The following GTF3C2 variants were observed in gnomAD, a reference collection of about 807,000 sequenced individuals.
The protein encoded by GTF3C2 is general transcription factor IIIC subunit 2, also known as general transcription factor 3C polypeptide 2.
GTF3C2 carries 17 observed loss-of-function variants against 117.4 expected under a neutral mutation model. That is an observed-to-expected ratio of 0.14 (90% CI 0.10 to 0.22). The LOEUF (loss-of-function observed/expected upper bound fraction) is 0.22. Among genes scored for constraint, GTF3C2 ranks in the 10% least tolerant of loss-of-function variants. The pLI is 1.00. For synonymous variants in GTF3C2, 437 were observed against 427.0 expected (o/e 1.02, Z -0.29); for missense variants, 888 against 1,143.6 (o/e 0.78, Z 3.22).
At position 27,342,701 on chromosome 2, in the gene GTF3C2, TC is replaced by T. The variant is rs895279383; in HGVS notation, c.569+124del. The T allele has an allele frequency of 4.0e-5, 28 of 702,858 alleles. No homozygotes were observed. The Admixed American group carries it at 6.9e-4, about 17-fold the overall frequency. 43.5% of individuals were successfully genotyped at this position (702,858 alleles called of 1,614,324 possible). ...GTAAGAGCCTAAAGGACTGCTCAAG[TC>T]CCTAGAATCCAGACACCACCCCTGC... On this transcript the variant is annotated intron_variant, in intron 3 of 18. Transcript: ENST00000264720.
intron 1 of GTF3C2, among the ~76,000 whole-genome samples, chr2:27,348,813 A>T (rs1681010877): frequency 6.6e-6 from 1 of 152,022 alleles, no homozygotes; most frequent in Non-Finnish European, 1.5e-5. Flanking sequence ...AATAATAAAG[A>T]TTTGGTTTGA....
At chr2:27,342,055 G>A (rs1303974989) in exon 4 of GTF3C2, 6 of 1,613,932 alleles carry the variant, frequency 3.7e-6, no homozygotes, top group Non-Finnish European at 5.1e-6. Flanking sequence ...TCAACCTGGA[G>A]AAAAAAGTCT....
chr2:27,330,680 G>A (rs1037565951), intron 12 of GTF3C2, among the ~76,000 whole-genome samples: 3 of 152,026 alleles, frequency 2.0e-5, no homozygotes, highest in African/African-American at 7.2e-5. Flanking sequence ...ATAAAAAAAG[G>A]CCAGGCACGA....
At chr2:27,341,832 A>T in intron 4 of GTF3C2, 116 bp downstream of exon 4, 1 of 857,168 alleles carries the variant, frequency 1.2e-6, no homozygotes, top group Admixed American at 2.8e-5. Flanking sequence ...TTTTTTCTTT[A>T]ACCTGTTTTG....
At chr2:27,336,324 C>G (rs1260986101) in exon 8 of GTF3C2, 5 of 1,613,678 alleles carry the variant, frequency 3.1e-6, no homozygotes, top group Non-Finnish European at 4.2e-6. Context: ...TTGCGAGGCT[C>G]CTGCCCCCTC....
At position 27,337,719 on chromosome 2, in the gene GTF3C2, A is replaced by G. The variant is rs578240581; in HGVS notation, c.951-161T>C. The G allele has an allele frequency of 1.6e-5, 11 of 693,102 alleles. No individual in the cohort carries two copies. The South Asian group carries it at 1.6e-4, about 10-fold the overall frequency. The allele number at this position is 693,102 out of a possible 1,614,324, so 42.9% of individuals were successfully genotyped here. A position where few individuals can be genotyped will look rare whatever the true frequency, so the allele number is the denominator to read the frequency against. ...CAAGCACCTAAAATGTGGCTAGCGCAGCTGAGAAACAGAGCCTTTCATTTT... is the reference window on the plus strand; with the variant it reads ...CAAGCACCTAAAATGTGGCTAGCGCGGCTGAGAAACAGAGCCTTTCATTTT... On this transcript the variant is annotated intron_variant, in intron 5 of 18. Coordinates refer to ENST00000264720, the Ensembl canonical transcript of GTF3C2.
intron 6 of GTF3C2, 44 bp downstream of exon 6, chr2:27,337,437 T>C: frequency 6.8e-7 from 1 of 1,478,410 alleles, no homozygotes; most frequent in South Asian, 1.1e-5. Flanking sequence ...TCGTCTCCAG[T>C]GGTGTCACCC....
intron 1 of GTF3C2, among the ~76,000 whole-genome samples, chr2:27,345,844 G>C (rs1680899023): frequency 6.6e-6 from 1 of 150,516 alleles, no homozygotes; most frequent in South Asian, 2.1e-4. Context: ...CTTCCGAGTA[G>C]CTGGGACAAC....
chr2:27,353,805 T>C (rs1681226852), intron 1 of GTF3C2, among the ~76,000 whole-genome samples: 1 of 152,146 alleles, frequency 6.6e-6, no homozygotes, highest in South Asian at 2.1e-4. Context: ...TCACTGCACC[T>C]TGACCTCCTG....
At chr2:27,333,734 G>A in exon 12 of GTF3C2, 1 of 1,608,542 alleles carries the variant, frequency 6.2e-7, no homozygotes, top group Non-Finnish European at 8.5e-7. Context: ...CACACTCAGA[G>A]GGGTCTGTAG....
At chr2:27,356,326 G>T (rs1250248327) in intron 1 of GTF3C2, 7 of 350,954 alleles carry the variant, frequency 2.0e-5, no homozygotes, top group African/African-American at 1.5e-4. Context: ...CCACTCTAGG[G>T]GCCATCACCT....
At chr2:27,351,188 GATCA>G (rs1681122585) in intron 1 of GTF3C2, among the ~76,000 whole-genome samples, 1 of 152,128 alleles carries the variant, frequency 6.6e-6, no homozygotes, top group Admixed American at 6.5e-5. Flanking sequence ...GAAGAGGGCG[GATCA>G]CCTAAGGTCA....
exon 4 of GTF3C2, chr2:27,342,114 G>C (rs992598814): frequency 6.2e-7 from 1 of 1,614,152 alleles, no homozygotes; most frequent in African/African-American, 1.3e-5. Flanking sequence ...ACAGGCTGCT[G>C]GCTGCCGGAT....
intron 1 of GTF3C2, among the ~76,000 whole-genome samples, chr2:27,348,576 A>T (rs963358410): frequency 6.6e-6 from 1 of 152,096 alleles, no homozygotes; most frequent in Non-Finnish European, 1.5e-5. Context: ...GGCCGAAGCA[A>T]GCAGATTGCT....
intron 10 of GTF3C2, among the ~76,000 whole-genome samples, chr2:27,334,345 T>A (rs1680382021): frequency 6.6e-6 from 1 of 152,146 alleles, no homozygotes; most frequent in Non-Finnish European, 1.5e-5. Context: ...CCTACCTCTA[T>A]CTGTTCCCAT....
At chr2:27,337,438 G>T in intron 6 of GTF3C2, 43 bp downstream of exon 6, 1 of 1,479,450 alleles carries the variant, frequency 6.8e-7, no homozygotes, top group Non-Finnish European at 9.5e-7. Context: ...CGTCTCCAGT[G>T]GTGTCACCCT....
intron 1 of GTF3C2, chr2:27,355,997 G>T: frequency 1.3e-6 from 1 of 744,812 alleles, no homozygotes; most frequent in Non-Finnish European, 2.0e-6. Flanking sequence ...GAAAACAATA[G>T]TACAATTGAT....
At chr2:27,356,179 CA>C (rs1160014665) in intron 1 of GTF3C2, 1 of 969,132 alleles carries the variant, frequency 1.0e-6, no homozygotes, top group Admixed American at 2.3e-5. Context: ...TGCCACGGGA[CA>C]AAAGGACTAG....
rs750632837 is a variant in GTF3C2 at position 27,342,018 on chromosome 2, C to T, written c.785G>A (p.Gly262Asp). 1.8e-5 allele frequency: 29 copies of T among 1,613,986 alleles called. No individual in the cohort carries two copies. In the Admixed American group the frequency reaches 4.7e-4, roughly 26 times the overall value. Residue 262 changes from glycine (G) to aspartate (D), a missense_variant, in exon 4 of 19, where the codon GGC (glycine) becomes GAC (aspartate). By Grantham distance (94) the Gly-to-Asp change is moderately conservative. This residue lies in a region of GTF3C2 where 393 missense variants were observed against 401.5 expected (regional missense o/e 0.98). Coordinates refer to ENST00000264720, the Ensembl canonical transcript of GTF3C2. ...AGGTTCAGATGAGCTCTCACTTGGG[C>T]CCTCACTTTCTTCCACATCTTCAGC...
Sources: allele counts gnomAD v4.1 joint callset (sites outside exome capture counted in the v4.1 genomes callset), GRCh38; gene constraint gnomAD v4.1.1; regional missense constraint gnomAD v4.1.1; transcripts MANE v1.5; gene names NCBI Gene and HGNC (gene_info 2026-07-23, HGNC 2026-07-21).